The following KIRREL3 variants were observed in gnomAD, a reference collection of about 807,000 sequenced individuals.
KIRREL3 encodes the protein kirre like nephrin family adhesion molecule 3.
In KIRREL3, 36 loss-of-function variants were observed where a neutral mutation model predicts 89.7. That is an observed-to-expected ratio of 0.40 (90% CI 0.31 to 0.53). The LOEUF (loss-of-function observed/expected upper bound fraction) is 0.53. KIRREL3 is among the 20% of genes least tolerant of loss of function. KIRREL3 has a pLI of 0.49. For synonymous variants in KIRREL3, 445 were observed against 441.4 expected, an observed-to-expected ratio of 1.01 and a Z score of -0.10; for missense variants, 864 against 1,056.6, an observed-to-expected ratio of 0.82 and a Z score of 2.53.
At chr11:126,504,387 A>C (rs764895520) in intron 4 of KIRREL3, among the ~76,000 whole-genome samples, 8 of 152,168 alleles carry the variant, frequency 5.3e-5, no homozygotes, top group Non-Finnish European at 1.0e-4. Flanking sequence ...GAACCCTTCC[A>C]TGAGTGATTT....
In KIRREL3 at chr11:126,693,289, C is replaced by T. The variant is rs917053539; in HGVS notation, c.56-130377G>A. ...AAAAAAAATTAGCCGGGCGTGGTGG[C>T]GCGCACCTGTAATCCCAGCTACTCA... On this transcript the variant is annotated intron_variant, in intron 1 of 16. Transcript: ENST00000525144. 1.7e-4 allele frequency among the ~76,000 whole-genome samples: 26 copies of T among 152,220 alleles called. No homozygotes were observed. In the Middle Eastern group the frequency reaches 0.01, roughly 60 times the overall value.
At chr11:126,833,318 T>C (rs1205395830) in intron 1 of KIRREL3, among the ~76,000 whole-genome samples, 1 of 152,160 alleles carries the variant, frequency 6.6e-6, no homozygotes, top group East Asian at 1.9e-4. Context: ...CACACACAAG[T>C]GCAAGTTAAA....
In KIRREL3 at chr11:126,565,403, TA is replaced by T. The variant is rs1196173795; in HGVS notation, c.56-2492del. Among the ~76,000 whole-genome samples, 1 of 152,186 alleles carries T rather than the reference TA, an allele frequency of 6.6e-6. No homozygotes were observed. The highest frequency in any genetic ancestry group is 1.5e-5 in the Non-Finnish European group (1 of 68,040). On this transcript the variant is annotated intron_variant, in intron 1 of 16. Coordinates refer to ENST00000525144, the MANE Select transcript of KIRREL3 (RefSeq NM_032531.4). This position sits in a 1 kb window ranked among gnomAD's most constrained non-coding sequence, Gnocchi z 5.4. ...TGCAAATGAGCAGGAAAAGAAGTTT[TA>T]AAAAACCTGATTAATAAAAGAAATT... is the stretch of plus-strand genomic sequence containing the variant.
In KIRREL3 at chr11:126,795,731, A is replaced by G. The variant is rs897302265; in HGVS notation, c.55+204724T>C. 2.0e-5 allele frequency among the ~76,000 whole-genome samples: 3 copies of G among 152,144 alleles called. No homozygotes were observed. Among genetic ancestry groups the G allele is most frequent in the African/African-American group, 7.2e-5 (3 of 41,424 alleles). The stretch of plus-strand genomic sequence containing the variant: ...CACTTTCTGTTCAATATTTCTGTAA[A>G]CCTAAAAATCCTCAAAAAAATGAAG... On this transcript the variant is annotated intron_variant, in intron 1 of 16. Transcript: ENST00000525144. This position sits in a 1 kb window ranked among gnomAD's most constrained non-coding sequence, Gnocchi z 4.1.
rs1246642984 is a variant in KIRREL3 at position 126,994,824 on chromosome 11, C to A, written c.55+5631G>T. ...CTTTCTGAGAGGACTGAAGCCCTTC[C>A]GTGCTTCATAATAAAGCTTTGGCAG... On this transcript the variant is annotated intron_variant, in intron 1 of 16. Coordinates refer to ENST00000525144, the MANE Select transcript of KIRREL3 (RefSeq NM_032531.4). This position sits in a 1 kb window ranked among gnomAD's most constrained non-coding sequence, Gnocchi z 5.2. 6.6e-6 allele frequency among the ~76,000 whole-genome samples: 1 copy of A among 152,134 alleles called. No individual in the cohort carries two copies. Among genetic ancestry groups the A allele is most frequent in the Non-Finnish European group, 1.5e-5 (1 of 68,018 alleles).
rs1279430728 is a variant in KIRREL3, at chr11:126,555,545, G to A, written c.133+7290C>T. 6.6e-6 allele frequency among the ~76,000 whole-genome samples: 1 copy of A among 152,054 alleles called. No individual in the cohort carries two copies. The highest frequency in any genetic ancestry group is 2.4e-5 in the African/African-American group (1 of 41,410). On this transcript the variant is annotated intron_variant, in intron 2 of 16. Coordinates refer to ENST00000525144, the MANE Select transcript of KIRREL3 (RefSeq NM_032531.4). This position sits in a 1 kb window ranked among gnomAD's most constrained non-coding sequence, Gnocchi z 4.2. ...GCGGGAATTACCAGGTGAAGGGTTT[G>A]GGGATGGGGTGAGCGTGGCAAGCAG...
chr11:126,810,638 C>T (rs1454423462), intron 1 of KIRREL3, among the ~76,000 whole-genome samples: 1 of 152,096 alleles, frequency 6.6e-6, no homozygotes, highest in Non-Finnish European at 1.5e-5. Context: ...CCTGAGCATC[C>T]CTAGCATTTT....
intron 7 of KIRREL3, among the ~76,000 whole-genome samples, chr11:126,450,363 G>C (rs1035814810): frequency 7.3e-5 from 11 of 151,386 alleles, no homozygotes; most frequent in African/African-American, 2.4e-4. Flanking sequence ...GTGCATGTGT[G>C]CATGTGTGAG....
intron 1 of KIRREL3, among the ~76,000 whole-genome samples, chr11:126,654,689 C>T (rs1292982022): frequency 1.3e-5 from 2 of 152,212 alleles, no homozygotes; most frequent in African/African-American, 2.4e-5. Context: ...CATGGGCAAC[C>T]ACACAGCCGA....
At chr11:126,654,548 T>C (rs115442292) in intron 1 of KIRREL3, among the ~76,000 whole-genome samples, 1 of 151,964 alleles carries the variant, frequency 6.6e-6, no homozygotes, top group Non-Finnish European at 1.5e-5. Flanking sequence ...GAAGAGCATG[T>C]GTAATGTAGG....
chr11:126,711,942 G>A (rs1565669564), intron 1 of KIRREL3, among the ~76,000 whole-genome samples: 2 of 152,152 alleles, frequency 1.3e-5, no homozygotes, highest in East Asian at 1.9e-4. Context: ...CCAAAGAGCC[G>A]ACACTCCATT....
chr11:126,716,763 G>C (rs1244778095), intron 1 of KIRREL3, among the ~76,000 whole-genome samples: 1 of 122,336 alleles, frequency 8.2e-6, no homozygotes, highest in Admixed American at 8.2e-5. Context: ...GGGGGGGGAA[G>C]TGTGGGGGAG....
In KIRREL3 at chr11:126,694,217, T is replaced by G. The variant is rs918113189; in HGVS notation, c.56-131305A>C. ...TGGGGAAATAATGAAAAAGGCTCTTTGTTTTTCCCCCAGTCCGAACTCCTA... is the reference window on the plus strand; with the variant it reads ...TGGGGAAATAATGAAAAAGGCTCTTGGTTTTTCCCCCAGTCCGAACTCCTA... On this transcript the variant is annotated intron_variant, in intron 1 of 16. Coordinates refer to ENST00000525144, the MANE Select transcript of KIRREL3 (RefSeq NM_032531.4). This position sits in a 1 kb window ranked among gnomAD's most constrained non-coding sequence, Gnocchi z 4.4. Among the ~76,000 whole-genome samples the G allele has an allele frequency of 6.6e-6, 1 of 152,242 alleles. No individual in the cohort carries two copies. The highest frequency in any genetic ancestry group is 1.5e-5 in the Non-Finnish European group (1 of 68,052).
chr11:126,691,311 G>A (rs1251996698), intron 1 of KIRREL3, among the ~76,000 whole-genome samples: 1 of 152,176 alleles, frequency 6.6e-6, no homozygotes, highest in South Asian at 2.1e-4. Context: ...TCTCTCTCAC[G>A]TATACCAGCA....
rs1010318043 is a variant in KIRREL3 at position 126,526,198 on chromosome 11, C to G, written c.283+340G>C. Among the ~76,000 whole-genome samples, 12 of 152,138 alleles carry G rather than the reference C, an allele frequency of 7.9e-5. No individual in the cohort carries two copies. The highest frequency in any genetic ancestry group is 2.7e-4 in the African/African-American group (11 of 41,428). On this transcript the variant is annotated intron_variant, in intron 3 of 16. Coordinates refer to ENST00000525144, the MANE Select transcript of KIRREL3 (RefSeq NM_032531.4). This position sits in a 1 kb window ranked among gnomAD's most constrained non-coding sequence, Gnocchi z 5.7. ...GTGCCTTAATAAATGGGGGATACAT[C>G]TTGGGCCAAGACACAGGAACACTTG...
intron 1 of KIRREL3, among the ~76,000 whole-genome samples, chr11:126,992,291 C>T (rs1349854684): frequency 6.6e-6 from 1 of 152,190 alleles, no homozygotes; most frequent in Non-Finnish European, 1.5e-5. Flanking sequence ...ACTCTCTAAC[C>T]CATTTCTCAG....
chr11:126,456,252 C>G, intron 7 of KIRREL3, 97 bp downstream of exon 7: 2 of 783,698 alleles, frequency 2.6e-6, no homozygotes, highest in Admixed American at 4.2e-5. Context: ...TAGGCACACA[C>G]TGCAGCCATG....
intron 1 of KIRREL3, among the ~76,000 whole-genome samples, chr11:126,670,869 C>T (rs1298508668): frequency 6.6e-6 from 1 of 152,108 alleles, no homozygotes; most frequent in Non-Finnish European, 1.5e-5. Context: ...GAACAGTCAC[C>T]ACAATACTAA....
At chr11:126,775,396 A>C (rs1012337877) in intron 1 of KIRREL3, among the ~76,000 whole-genome samples, 1 of 152,170 alleles carries the variant, frequency 6.6e-6, no homozygotes, top group African/African-American at 2.4e-5. Flanking sequence ...TTTGCGGAGG[A>C]GATGCAGGCT....
Sources: allele counts gnomAD v4.1 joint callset (sites outside exome capture counted in the v4.1 genomes callset), GRCh38; gene constraint gnomAD v4.1.1; non-coding constraint Gnocchi (gnomAD v3.1); transcripts MANE v1.5; gene names NCBI Gene and HGNC (gene_info 2026-07-23, HGNC 2026-07-21).